TEAD1: variants seen among roughly 807,000 people sequenced by gnomAD.
TEAD1 encodes the protein TEA domain transcription factor 1.
Under a neutral mutation model 54.9 loss-of-function variants are expected in TEAD1, and 9 were observed. The observed-to-expected ratio is 0.16, with a 90% CI of 0.10 to 0.29. The LOEUF is 0.29. TEAD1 is among the 10% of genes least tolerant of loss of function. The pLI is 1.00. For missense variants in TEAD1, 387 were observed against 535.9 expected, an observed-to-expected ratio of 0.72 and a Z score of 2.74; for synonymous variants, 200 against 187.8, an observed-to-expected ratio of 1.07 and a Z score of -0.53.
chr11:12,900,015 A>G (rs1166993498), intron 9 of TEAD1, among the ~76,000 whole-genome samples: 1 of 152,230 alleles, frequency 6.6e-6, no homozygotes, highest in African/African-American at 2.4e-5. Context: ...TTTGTGACCA[A>G]CTGAGTTTGA....
At chr11:12,698,712 A>G (rs190226543) in intron 2 of TEAD1, among the ~76,000 whole-genome samples, 284 of 152,284 alleles carry the variant, frequency 1.9e-3, no homozygotes, top group African/African-American at 6.2e-3. Flanking sequence ...GGAGCTTATT[A>G]GAAATGCATA....
chr11:12,812,329 G>A (rs1946319919), intron 3 of TEAD1, among the ~76,000 whole-genome samples: 1 of 152,144 alleles, frequency 6.6e-6, no homozygotes, highest in South Asian at 2.1e-4. Context: ...GTACATCATA[G>A]CATGCATGAT....
intron 2 of TEAD1, among the ~76,000 whole-genome samples, chr11:12,740,462 G>C (rs1172623539): frequency 6.6e-6 from 1 of 152,150 alleles, no homozygotes; most frequent in Admixed American, 6.5e-5. Context: ...CATAAAGTTG[G>C]TGTATTAGTC....
intron 9 of TEAD1, among the ~76,000 whole-genome samples, chr11:12,887,925 C>T (rs187268655): frequency 3.3e-5 from 5 of 152,330 alleles, no homozygotes; most frequent in Admixed American, 3.3e-4. Flanking sequence ...TACAGACAGA[C>T]ATGTACATAT....
rs181314942 is a variant in TEAD1 at position 12,880,568 on chromosome 11, G to A, written c.466-437G>A. On this transcript the variant is annotated intron_variant, in intron 6 of 12. Coordinates refer to ENST00000527636, the MANE Select transcript of TEAD1 (RefSeq NM_021961.6). ...CTGCAGAGAAGCTGCCTGCATTGCCGCTTGGAGCTCCTGGCCTTGTTCAAG... is the reference window on the plus strand; with the variant it reads ...CTGCAGAGAAGCTGCCTGCATTGCCACTTGGAGCTCCTGGCCTTGTTCAAG... 8.5e-4 allele frequency among the ~76,000 whole-genome samples: 130 copies of A among 152,284 alleles called. 1 individual carries two copies. The highest frequency in any genetic ancestry group is 3.4e-3 in the Middle Eastern group (1 of 294).
At chr11:12,928,663 A>G (rs1948949522) in intron 11 of TEAD1, among the ~76,000 whole-genome samples, 1 of 152,216 alleles carries the variant, frequency 6.6e-6, no homozygotes, top group Non-Finnish European at 1.5e-5. Flanking sequence ...CTATTCTTTA[A>G]AGATTACATA....
chr11:12,824,850 C>G (rs1369118890), intron 3 of TEAD1, among the ~76,000 whole-genome samples: 1 of 152,226 alleles, frequency 6.6e-6, no homozygotes. Context: ...ATTGCAGTCT[C>G]TCCCGGACTG....
intron 3 of TEAD1, chr11:12,851,027 C>G (rs1564963412): frequency 1.1e-6 from 1 of 923,396 alleles, no homozygotes. Context: ...GCAGTGCTGT[C>G]TAATTTTCAT....
chr11:12,839,016 T>C (rs1377154754), intron 3 of TEAD1, among the ~76,000 whole-genome samples: 16 of 152,180 alleles, frequency 1.1e-4, no homozygotes, highest in Admixed American at 1.0e-3. Flanking sequence ...ACAAGCAAGT[T>C]AGGACAGAAC....
At position 12,722,974 on chromosome 11, in the gene TEAD1, A is replaced by AT. The variant is rs113854877; in HGVS notation, c.-54-41194dup. On this transcript the variant is annotated intron_variant, in intron 2 of 12. Coordinates refer to ENST00000527636, the MANE Select transcript of TEAD1 (RefSeq NM_021961.6). The stretch of plus-strand genomic sequence containing the variant: ...CATTCATCTACTGTTGGACATCTAG[A>AT]TTTTTTTTTTTCTGTAGTTCTGTGC... Among the ~76,000 whole-genome samples the AT allele has an allele frequency of 8.5e-4, 125 of 147,354 alleles. 1 individual carries two copies. The highest frequency in any genetic ancestry group is 5.4e-4 in the Non-Finnish European group (36 of 66,242).
intron 3 of TEAD1, among the ~76,000 whole-genome samples, chr11:12,839,420 C>T (rs1010238559): frequency 6.9e-6 from 1 of 145,476 alleles, no homozygotes; most frequent in African/African-American, 2.8e-5. Flanking sequence ...CAAAACAAAA[C>T]AAACAAACAA....
At chr11:12,900,462 G>A (rs1476730376) in intron 9 of TEAD1, among the ~76,000 whole-genome samples, 3 of 152,172 alleles carry the variant, frequency 2.0e-5, no homozygotes, top group Non-Finnish European at 4.4e-5. Context: ...ATTCTTGTTA[G>A]ATCTAGGATC....
chr11:12,864,622 G>T (rs1051661350), intron 4 of TEAD1: 2 of 948,758 alleles, frequency 2.1e-6, no homozygotes, highest in Non-Finnish European at 2.9e-6. Context: ...TTCCTTTTTT[G>T]TTTTGTTTTG....
chr11:12,899,329 C>T (rs1459601344), intron 9 of TEAD1, among the ~76,000 whole-genome samples: 2 of 151,956 alleles, frequency 1.3e-5, no homozygotes, highest in Non-Finnish European at 2.9e-5. Context: ...GCCCTGTACT[C>T]CCCATTCCAT....
chr11:12,809,601 G>A (rs567714063), intron 3 of TEAD1, among the ~76,000 whole-genome samples: 9 of 152,298 alleles, frequency 5.9e-5, no homozygotes, highest in Admixed American at 2.0e-4. Flanking sequence ...CAGCCAGGAC[G>A]TGGGGCCCAG....
chr11:12,778,961 T>G (rs746441311), intron 3 of TEAD1, among the ~76,000 whole-genome samples: 14 of 152,224 alleles, frequency 9.2e-5, no homozygotes, highest in Non-Finnish European at 1.6e-4. Flanking sequence ...ATATTGATCT[T>G]ACACCTGAGA....
chr11:12,857,433 C>T (rs7117955), intron 3 of TEAD1, among the ~76,000 whole-genome samples: 1,855 of 152,162 alleles, frequency 0.012, 30 homozygotes, highest in African/African-American at 0.043. Flanking sequence ...ACTGGACAGG[C>T]GTGGTGTAAG....
intron 2 of TEAD1, among the ~76,000 whole-genome samples, chr11:12,750,676 C>T (rs1159520790): frequency 6.6e-6 from 1 of 152,136 alleles, no homozygotes; most frequent in African/African-American, 2.4e-5. Context: ...ATGAGGCCCC[C>T]TGTGATTGAC....
At chr11:12,917,567 A>G (rs1948737861) in intron 10 of TEAD1, among the ~76,000 whole-genome samples, 2 of 152,224 alleles carry the variant, frequency 1.3e-5, no homozygotes. Context: ...TGTGTTGCCC[A>G]GGCTGGTCTC....
Sources: gnomAD v4.1 joint callset for allele counts (sites outside exome capture counted in the v4.1 genomes callset) on GRCh38, gnomAD v4.1.1 for gene constraint, MANE v1.5 for transcripts, NCBI Gene and HGNC (gene_info 2026-07-23, HGNC 2026-07-21) for gene names.